KRI1: variants seen among roughly 807,000 people sequenced by gnomAD.
The protein encoded by KRI1 is protein KRI1 homolog.
In KRI1, 83 loss-of-function variants were observed where a neutral mutation model predicts 97.0. The ratio of observed to expected loss-of-function variants is 0.86; its 90% CI spans 0.72 to 1.03. The LOEUF (loss-of-function observed/expected upper bound fraction) is 1.03, where lower values mean the gene tolerates loss of function less well. KRI1 is among the 50% of genes least tolerant of loss of function. The pLI is 0.00. For missense variants in KRI1, 916 were observed against 928.4 expected, an observed-to-expected ratio of 0.99 and a Z score of 0.17; for synonymous variants, 371 against 363.5, an observed-to-expected ratio of 1.02 and a Z score of -0.23.
At chr19:10,560,926 G>A in intron 8 of KRI1, 77 bp downstream of exon 8, 2 of 1,105,782 alleles carry the variant, frequency 1.8e-6, no homozygotes, top group Non-Finnish European at 2.8e-6. Flanking sequence ...ATCTTCAGAG[G>A]GTTACTTTCT....
At chr19:10,561,307 C>A (rs761297696) in intron 6 of KRI1, 42 bp from the exon 7 acceptor site, 1 of 1,527,076 alleles carries the variant, frequency 6.5e-7, no homozygotes, top group Non-Finnish European at 9.1e-7. Context: ...GGCAGGCTGG[C>A]CCCTGTCTGC....
chr19:10,565,150 A>G (rs1599538083), intron 2 of KRI1, 116 bp from the exon 3 acceptor site: 2 of 710,242 alleles, frequency 2.8e-6, no homozygotes, highest in Non-Finnish European at 5.0e-6. Flanking sequence ...CTGGCTGGGG[A>G]GGTCAAACAG....
chr19:10,554,331 ATTCTTGAG>A, intron 18 of KRI1, 50 bp from the exon 19 acceptor site: 1 of 1,492,964 alleles, frequency 6.7e-7, no homozygotes, highest in Non-Finnish European at 9.3e-7. Flanking sequence ...GATCAGGCCC[ATTCTTGAG>A]CACGCATGCC....
At chr19:10,562,201 C>A (rs1026641883) in intron 4 of KRI1, among the ~76,000 whole-genome samples, 4 of 151,806 alleles carry the variant, frequency 2.6e-5, no homozygotes, top group South Asian at 2.1e-4. Flanking sequence ...AGGCGCCCAC[C>A]ACCACATCTG....
rs536447005 is a variant in KRI1 at position 10,557,540 on chromosome 19, C to T, written c.1617+12G>A. The T allele has an allele frequency of 2.3e-5, 37 of 1,611,314 alleles. No individual in the cohort carries two copies. The highest frequency in any genetic ancestry group is 1.7e-4 in the Middle Eastern group (1 of 6,054). ...GCCCCCTGCAGTGTCCCTGCCTGCCCGGGGCCCCTACCTCCTCAGTGCTGA... is the reference window on the plus strand; with the variant it reads ...GCCCCCTGCAGTGTCCCTGCCTGCCTGGGGCCCCTACCTCCTCAGTGCTGA... On this transcript the variant is annotated intron_variant, in intron 16 of 18. Transcript: ENST00000312962.
Position 10,553,999 on chromosome 19 carries a change from C to G in KRI1, c.2064G>C (p.Gln688His). 2 of 1,612,666 alleles carry G rather than the reference C, an allele frequency of 1.2e-6. No homozygotes were observed. Among genetic ancestry groups the G allele is most frequent in the Non-Finnish European group, 1.7e-6 (2 of 1,179,164 alleles). The change falls in exon 19 of 19, where the codon CAG becomes CAC. Residue 688 changes from glutamine (Q) to histidine (H), a missense_variant. Coordinates refer to ENST00000312962, the MANE Select transcript of KRI1 (RefSeq NM_023008.5). ...GLNPKRLHFR[Q>H]LGRQRRKQQG... is the part of the protein sequence containing the mutation. ...GTTGTTTCCTCCGCTGCCGGCCCAG[C>G]TGGCGGAAGTGCAGCCGTTTGGGGT... is the stretch of plus-strand genomic sequence containing the variant.
At chr19:10,554,766 G>A (rs1568420416) in intron 18 of KRI1, among the ~76,000 whole-genome samples, 2 of 152,104 alleles carry the variant, frequency 1.3e-5, no homozygotes, top group Non-Finnish European at 2.9e-5. Context: ...TAGACTGGGC[G>A]AAAGCAATCC....
At chr19:10,561,120 C>A (rs767560599) in intron 7 of KRI1, 40 bp from the exon 8 acceptor site, 4 of 1,610,454 alleles carry the variant, frequency 2.5e-6, no homozygotes, top group South Asian at 1.1e-5. Context: ...AGATGCCCAG[C>A]CACCCGCCAC....
chr19:10,560,276 C>A, intron 9 of KRI1, 36 bp downstream of exon 9: 1 of 1,557,898 alleles, frequency 6.4e-7, no homozygotes, highest in East Asian at 2.3e-5. Flanking sequence ...TGAAGCGCAC[C>A]CAAAATCTAG....
intron 2 of KRI1, 151 bp downstream of exon 2, chr19:10,565,566 C>T: frequency 2.0e-6 from 2 of 995,186 alleles, no homozygotes; most frequent in South Asian, 1.7e-5. Flanking sequence ...AGGGGGGGCA[C>T]TGTCTGTCCC....
intron 18 of KRI1, 135 bp from the exon 19 acceptor site, chr19:10,554,416 G>A (rs1916428529): frequency 1.4e-6 from 1 of 736,066 alleles, no homozygotes; most frequent in Non-Finnish European, 2.2e-6. Context: ...GGCCTGCCTG[G>A]GATTCAGACC....
chr19:10,561,834 T>A lies in KRI1; in HGVS notation c.395A>T (p.Asp132Val). Residue 132 changes from aspartate (D) to valine (V), a missense_variant, in exon 5 of 19, where the codon GAT becomes GTT. Asp to Val is a radical substitution (Grantham distance 152). Coordinates refer to ENST00000312962, the MANE Select transcript of KRI1 (RefSeq NM_023008.5). ...AGTCTCCCCGTCTGAGTTCTCCTCA[T>A]CAACATATTTGCTGTAAAGGAAAAG... ...VILEKAGKYV[D>V]EENSDGETSN... 1 of 1,613,842 alleles carries A rather than the reference T, an allele frequency of 6.2e-7. No individual in the cohort carries two copies. Among genetic ancestry groups the A allele is most frequent in the South Asian group, 1.1e-5 (1 of 91,070 alleles).
chr19:10,561,901 A>C, intron 4 of KRI1, 56 bp from the exon 5 acceptor site: 1 of 1,538,830 alleles, frequency 6.5e-7, no homozygotes, highest in South Asian at 1.1e-5. Flanking sequence ...GCCTGTCCCC[A>C]TGCCCATGCG....
At position 10,559,398 on chromosome 19, in the gene KRI1, T is replaced by C; in HGVS notation, c.1155A>G (p.Glu385=). ...EMLGLEEGDL[E]DDFDPAQHDQ... ...CGTGCTGGGCAGGGTCGAAGTCGTCTTCAAGGTCCCCCTCCTCGAGGCCCA... is the reference window on the plus strand; with the variant it reads ...CGTGCTGGGCAGGGTCGAAGTCGTCCTCAAGGTCCCCCTCCTCGAGGCCCA... Residue 385 remains glutamate (E), a synonymous_variant, in exon 12 of 19, where the codon GAA becomes GAG. Coordinates refer to ENST00000312962, the MANE Select transcript of KRI1 (RefSeq NM_023008.5). 6.2e-7 allele frequency: 1 copy of C among 1,614,126 alleles called. No individual in the cohort carries two copies. Among genetic ancestry groups the C allele is most frequent in the Non-Finnish European group, 8.5e-7 (1 of 1,180,026 alleles).
chr19:10,560,085 A>G, intron 9 of KRI1, 149 bp from the exon 10 acceptor site: 1 of 1,250,668 alleles, frequency 8.0e-7, no homozygotes, highest in East Asian at 2.5e-5. Flanking sequence ...CATTTTACAG[A>G]TGGGGAAACT....
chr19:10,565,816 C>CCCG (rs1555750215), intron 1 of KRI1, 26 bp from the exon 2 acceptor site: 43 of 1,550,288 alleles, frequency 2.8e-5, no homozygotes, highest in South Asian at 1.2e-4. Flanking sequence ...GGGATGCCCC[C>CCCG]CCCCAGGTCA....
chr19:10,563,566 C>T (rs1444374897), intron 3 of KRI1, among the ~76,000 whole-genome samples: 5 of 151,748 alleles, frequency 3.3e-5, no homozygotes, highest in East Asian at 1.9e-4. Flanking sequence ...AGGCTGGTCT[C>T]GAACTCCTGA....
In KRI1 at chr19:10,559,527, C is replaced by T. The variant is rs1285532603; in HGVS notation, c.1026G>A (p.Glu342=). 1 of 1,613,864 alleles carries T rather than the reference C, an allele frequency of 6.2e-7. No homozygotes were observed. The highest frequency in any genetic ancestry group is 8.5e-7 in the Non-Finnish European group (1 of 1,179,992). The change falls in exon 12 of 19, where the codon GAG becomes GAA. Residue 342 remains glutamate, a splice_region_variant and synonymous_variant. Coordinates refer to ENST00000312962, the MANE Select transcript of KRI1 (RefSeq NM_023008.5). Reference sequence around the variant, plus strand: ...TGAGCTCTTCCTGCTTCTTTGCTTTCTCCTGCAGGCCCAGGCAGAGAGGGG... The same window carrying T: ...TGAGCTCTTCCTGCTTCTTTGCTTTTTCCTGCAGGCCCAGGCAGAGAGGGG... The part of the protein sequence containing the change: ...REETRERKKR[E]KAKKQEELKQ...
In KRI1 at chr19:10,555,048, A is replaced by G. The variant is rs763310093; in HGVS notation, c.1781+39T>C. 3.9e-6 allele frequency: 6 copies of G among 1,535,328 alleles called. No homozygotes were observed. The South Asian group carries it at 5.6e-5, about 14-fold the overall frequency. On this transcript the variant is annotated intron_variant, in intron 18 of 18. Transcript: ENST00000312962. ...GCCAAGACTCAAGCCTGGGCCTGAC[A>G]GGCTCCCCACCCACGCTTCCCCAGC... is the stretch of plus-strand genomic sequence containing the variant.
Sources: gnomAD v4.1 joint callset for allele counts (sites outside exome capture counted in the v4.1 genomes callset) on GRCh38, gnomAD v4.1.1 for gene constraint, MANE v1.5 for transcripts, NCBI Gene and HGNC (gene_info 2026-07-23, HGNC 2026-07-21) for gene names.